The following PLEKHA6 variants were observed in gnomAD, a reference collection of about 807,000 sequenced individuals.
PLEKHA6 encodes pleckstrin homology domain containing A6.
A neutral mutation model predicts 116.7 loss-of-function variants in PLEKHA6; 60 were observed. The observed-to-expected ratio is 0.51, with a 90% confidence interval of 0.42 to 0.64. The LOEUF (loss-of-function observed/expected upper bound fraction) is 0.64, where lower values mean the gene tolerates loss of function less well. Among genes scored for constraint, PLEKHA6 ranks in the 30% least tolerant of loss-of-function variants. The pLI is 0.00. For missense variants in PLEKHA6, 1,338 were observed against 1,422.7 expected (o/e 0.94, Z 0.96); for synonymous variants, 489 against 556.1 (o/e 0.88, Z 1.70).
intron 1 of PLEKHA6, among the ~76,000 whole-genome samples, chr1:204,357,795 A>G (rs953028572): frequency 6.6e-6 from 1 of 152,238 alleles, no homozygotes; most frequent in Non-Finnish European, 1.5e-5. Flanking sequence ...ACTCTGGCCT[A>G]GGCCAGTCCC....
At chr1:204,282,374 A>G (rs1668716889) in intron 1 of PLEKHA6, among the ~76,000 whole-genome samples, 1 of 152,152 alleles carries the variant, frequency 6.6e-6, no homozygotes, top group African/African-American at 2.4e-5. Context: ...AAATGAAGAC[A>G]ACCAGAGTAG....
intron 1 of PLEKHA6, among the ~76,000 whole-genome samples, chr1:204,286,524 A>C (rs536573642): frequency 6.6e-6 from 1 of 152,174 alleles, no homozygotes; most frequent in East Asian, 1.9e-4. Flanking sequence ...GCCTGCCTAC[A>C]CCTGTTGGAG....
At chr1:204,300,459 C>G (rs553682149) in intron 1 of PLEKHA6, among the ~76,000 whole-genome samples, 1 of 152,310 alleles carries the variant, frequency 6.6e-6, no homozygotes, top group South Asian at 2.1e-4. Flanking sequence ...CTCATAGCCC[C>G]GACAAAGCCA....
At chr1:204,374,223 G>A (rs1337992305) in intron 1 of PLEKHA6, among the ~76,000 whole-genome samples, 1 of 152,192 alleles carries the variant, frequency 6.6e-6, no homozygotes, top group Non-Finnish European at 1.5e-5. Context: ...GCACCGGGCT[G>A]ATGGGGGAAC....
At chr1:204,284,493 G>A (rs1412941645) in intron 1 of PLEKHA6, among the ~76,000 whole-genome samples, 2 of 152,180 alleles carry the variant, frequency 1.3e-5, no homozygotes, top group Non-Finnish European at 2.9e-5. Flanking sequence ...TGAGGGCAAA[G>A]CGATATCCCT....
At chr1:204,355,256 T>A (rs1274669146) in intron 1 of PLEKHA6, among the ~76,000 whole-genome samples, 1 of 152,258 alleles carries the variant, frequency 6.6e-6, no homozygotes, top group Non-Finnish European at 1.5e-5. Flanking sequence ...AGCAGGATTC[T>A]ATGTGCTTGC....
chr1:204,325,624 G>C (rs1443533029), intron 1 of PLEKHA6, among the ~76,000 whole-genome samples: 1 of 152,178 alleles, frequency 6.6e-6, no homozygotes, highest in East Asian at 1.9e-4. Context: ...GCCTCGCTGG[G>C]CTTTGGTTCC....
chr1:204,294,306 C>T (rs941811955), intron 1 of PLEKHA6, among the ~76,000 whole-genome samples: 2 of 152,220 alleles, frequency 1.3e-5, no homozygotes, highest in Non-Finnish European at 2.9e-5. Flanking sequence ...AATTACCCTT[C>T]ACCCTCCCAG....
chr1:204,341,504 C>T (rs575478830), intron 1 of PLEKHA6, among the ~76,000 whole-genome samples: 35 of 152,328 alleles, frequency 2.3e-4, no homozygotes, highest in Non-Finnish European at 4.4e-4. Context: ...ATAACCAGTT[C>T]ATCTGATTGC....
intron 21 of PLEKHA6, 146 bp downstream of exon 21, chr1:204,227,937 C>G (rs1275603266): frequency 1.2e-6 from 1 of 840,570 alleles, no homozygotes; most frequent in Non-Finnish European, 1.8e-6. Context: ...TGGTGCTCAA[C>G]AGATGCTCGT....
intron 3 of PLEKHA6, among the ~76,000 whole-genome samples, chr1:204,367,124 G>T (rs1673678097): frequency 6.6e-6 from 1 of 152,172 alleles, no homozygotes; most frequent in Non-Finnish European, 1.5e-5. Context: ...AGAGAAGTGA[G>T]TTCAACTGGG....
rs1665816174 is a variant in PLEKHA6 at position 204,259,451 on chromosome 1, A to G, written c.814T>C (p.Trp272Arg). 1.9e-6 allele frequency: 3 copies of G among 1,614,200 alleles called. No homozygotes were observed. The highest frequency in any genetic ancestry group is 1.7e-6 in the Non-Finnish European group (2 of 1,180,026). ...GGEQPAQPNG[W>R]QYHSPSRPGS... ...GGCCGGCTTGGGGAGTGGTACTGCC[A>G]GCCATTGGGCTGGGCAGGCTGTTCC... The change falls in exon 8 of 23, where the codon TGG (tryptophan) becomes CGG (arginine). Residue 272 changes from tryptophan to arginine, a missense_variant. Around this residue, in one of 3 missense-constraint regions of PLEKHA6, gnomAD observed 1,136 missense variants for 1,163.6 expected, o/e 0.98. Coordinates refer to ENST00000272203, the MANE Select transcript of PLEKHA6 (RefSeq NM_014935.5). This position sits in a 1 kb window ranked among gnomAD's most constrained non-coding sequence, Gnocchi z 4.6.
At chr1:204,362,873 C>G (rs761122613), upstream of PLEKHA6, among the ~76,000 whole-genome samples, 1 of 152,216 alleles carries the variant, frequency 6.6e-6, no homozygotes, top group Non-Finnish European at 1.5e-5. Context: ...GACTTGGAAG[C>G]CCAGCTCCAT....
intron 2 of PLEKHA6, chr1:204,369,420 C>T (rs1673731191): frequency 6.6e-6 from 1 of 152,212 alleles, no homozygotes; most frequent in Non-Finnish European, 1.5e-5. Context: ...CCCTCTGTCT[C>T]TGTGGGAGGA....
chr1:204,290,850 C>T (rs561853924), intron 1 of PLEKHA6, among the ~76,000 whole-genome samples: 1 of 152,118 alleles, frequency 6.6e-6, no homozygotes, highest in Admixed American at 6.5e-5. Context: ...ATTAGCCAGG[C>T]ATGGTGGCGT....
At chr1:204,260,437 T>A (rs1373722114) in intron 7 of PLEKHA6, among the ~76,000 whole-genome samples, 2 of 152,220 alleles carry the variant, frequency 1.3e-5, no homozygotes, top group African/African-American at 2.4e-5. Context: ...TGGCAGACTT[T>A]CTTCCCCTGT....
At chr1:204,234,604 T>C (rs1380499493) in intron 17 of PLEKHA6, among the ~76,000 whole-genome samples, 1 of 152,138 alleles carries the variant, frequency 6.6e-6, no homozygotes, top group East Asian at 1.9e-4. Flanking sequence ...TCAACTTGAC[T>C]GGATTGAAGG....
rs771869431 is a variant in PLEKHA6 at position 204,257,432 on chromosome 1, T to G, written c.1445A>C (p.Glu482Ala). The change falls in exon 9 of 23, where the codon GAG (glutamate) becomes GCG (alanine). Residue 482 changes from glutamate to alanine, a missense_variant. By Grantham distance (107) the Glu-to-Ala change is moderately radical. Around this residue, in one of 3 missense-constraint regions of PLEKHA6, gnomAD observed 1,136 missense variants for 1,163.6 expected, o/e 0.98. Coordinates refer to ENST00000272203, the MANE Select transcript of PLEKHA6 (RefSeq NM_014935.5). The surrounding 1 kb of genome is among the most constrained non-coding windows in gnomAD (Gnocchi z 6.5). Reference protein sequence around the residue: ...SPVRSPSARFERLPPRSEDIY... With the variant: ...SPVRSPSARFARLPPRSEDIY... ...GTCCTCACTGCGAGGTGGCAGCCGCTCAAAACGGGCACTGGGTGAGCGGAC... is the reference window on the plus strand; with the variant it reads ...GTCCTCACTGCGAGGTGGCAGCCGCGCAAAACGGGCACTGGGTGAGCGGAC... 1 of 1,566,924 alleles carries G rather than the reference T, an allele frequency of 6.4e-7. No individual in the cohort carries two copies.
At chr1:204,326,982 A>G in intron 1 of PLEKHA6, 1 of 985,300 alleles carries the variant, frequency 1.0e-6, no homozygotes, top group Non-Finnish European at 1.2e-6. Context: ...CGCGCTGGGT[A>G]CGGCAGCCTC....
Sources: allele counts gnomAD v4.1 joint callset (sites outside exome capture counted in the v4.1 genomes callset), GRCh38; gene constraint gnomAD v4.1.1; regional missense constraint gnomAD v4.1.1; non-coding constraint Gnocchi (gnomAD v3.1); transcripts MANE v1.5; gene names NCBI Gene and HGNC (gene_info 2026-07-23, HGNC 2026-07-21).